Variants in ECE1 observed in about 807,000 individuals in gnomAD.
ECE1 encodes the protein endothelin-converting enzyme 1.
ECE1 carries 35 observed loss-of-function variants against 98.6 expected under a neutral mutation model. The observed-to-expected ratio is 0.35, with a 90% CI of 0.27 to 0.47. The LOEUF is 0.47. ECE1 is among the 20% of genes least tolerant of loss of function. ECE1 has a pLI of 1.00. For missense variants in ECE1, 814 were observed against 1,025.3 expected, an observed-to-expected ratio of 0.79 and a Z score of 2.81; for synonymous variants, 394 against 407.1, an observed-to-expected ratio of 0.97 and a Z score of 0.39.
Position 21,258,589 on chromosome 1 carries a change from TCCCACCCAGGGCAA to T in ECE1, c.762+90_762+103del. 5 of 1,203,822 alleles carry T rather than the reference TCCCACCCAGGGCAA, an allele frequency of 4.2e-6. No homozygotes were observed. The highest frequency in any genetic ancestry group is 4.8e-6 in the Non-Finnish European group (4 of 825,898). The allele number at this position is 1,203,822 out of a possible 1,614,324, so 74.6% of individuals were successfully genotyped here. A position where few individuals can be genotyped will look rare whatever the true frequency, so the allele number is the denominator to read the frequency against. ...AGGCTCAGAAACTAGAAGACCGCCG[TCCCACCCAGGGCAA>T]GCCCCTCTCCCACCCCAGGTCCTGC... On this transcript the variant is annotated intron_variant, in intron 6 of 18. Transcript: ENST00000374893. The surrounding 1 kb of genome is among the most constrained non-coding windows in gnomAD (Gnocchi z 4.2).
chr1:21,333,119 T>C (rs1050645575), intron 1 of ECE1, among the ~76,000 whole-genome samples: 2 of 152,134 alleles, frequency 1.3e-5, no homozygotes, highest in Non-Finnish European at 2.9e-5. Context: ...CAATGGCAGA[T>C]CCAGGGTTCA....
intron 8 of ECE1, among the ~76,000 whole-genome samples, chr1:21,250,438 C>A (rs542495509): frequency 4.3e-4 from 65 of 152,308 alleles, no homozygotes; most frequent in Admixed American, 1.8e-3. Flanking sequence ...ATATGTCTGG[C>A]ATTTAGCAAG....
intron 12 of ECE1, among the ~76,000 whole-genome samples, chr1:21,236,439 C>T (rs28368015): frequency 2.6e-5 from 4 of 152,226 alleles, no homozygotes; most frequent in Non-Finnish European, 5.9e-5. Context: ...CACCTGAGGT[C>T]GGGAGTTTGA....
intron 1 of ECE1, among the ~76,000 whole-genome samples, chr1:21,337,228 C>A (rs569346206): frequency 6.6e-6 from 1 of 152,196 alleles, no homozygotes; most frequent in Non-Finnish European, 1.5e-5. Flanking sequence ...TACATCCACC[C>A]AATGCGGCAC....
At chr1:21,271,097 G>C (rs1569589543) in intron 4 of ECE1, among the ~76,000 whole-genome samples, 1 of 152,312 alleles carries the variant, frequency 6.6e-6, no homozygotes, top group South Asian at 2.1e-4. Context: ...CTCAGACTGG[G>C]GCTTTGCTGC....
intron 2 of ECE1, chr1:21,279,682 A>G (rs2098252137): frequency 1.4e-6 from 2 of 1,398,692 alleles, no homozygotes; most frequent in Non-Finnish European, 9.3e-7. Context: ...GCAGGCATCC[A>G]GTGAGTACCC....
At chr1:21,237,201 C>T (rs2744333) in intron 11 of ECE1, among the ~76,000 whole-genome samples, 7,634 of 152,198 alleles carry the variant, frequency 0.05, 607 homozygotes, top group African/African-American at 0.17. Context: ...GCCTTATTGC[C>T]TTATTGGACC....
chr1:21,308,405 C>T (rs1454814781), intron 1 of ECE1, among the ~76,000 whole-genome samples: 3 of 152,122 alleles, frequency 2.0e-5, no homozygotes, highest in East Asian at 3.9e-4. Context: ...AACGGCAAAG[C>T]ACTCTCTATT....
At chr1:21,326,157 T>C (rs1639075205) in intron 1 of ECE1, among the ~76,000 whole-genome samples, 1 of 151,746 alleles carries the variant, frequency 6.6e-6, no homozygotes, top group African/African-American at 2.4e-5. Context: ...CAGCCAACAA[T>C]AGCTGCTTCC....
intron 1 of ECE1, among the ~76,000 whole-genome samples, chr1:21,314,006 AC>A (rs1638781051): frequency 1.3e-5 from 2 of 152,196 alleles, no homozygotes; most frequent in African/African-American, 4.8e-5. Context: ...CAGCTGCTAA[AC>A]GGTAACACCA....
intron 1 of ECE1, among the ~76,000 whole-genome samples, chr1:21,306,556 G>A (rs928598766): frequency 1.3e-5 from 2 of 152,034 alleles, no homozygotes; most frequent in South Asian, 2.1e-4. Flanking sequence ...AGGCTGTCTC[G>A]AACTCCTGAC....
In ECE1 at chr1:21,290,149, G is replaced by A. The variant is rs375005204; in HGVS notation, c.59C>T (p.Thr20Met). Residue 20 changes from threonine to methionine, a missense_variant, in exon 2 of 19, where the codon ACG becomes ATG. By Grantham distance (81) the Thr-to-Met change is moderately conservative. Around this residue, in one of 3 missense-constraint regions of ECE1, gnomAD observed 257 missense variants for 278.9 expected, o/e 0.92. Coordinates refer to ENST00000374893, the MANE Select transcript of ECE1 (RefSeq NM_001397.3). This position sits in a 1 kb window ranked among gnomAD's most constrained non-coding sequence, Gnocchi z 7.3. ...SALLSALGMS[T>M]YKRATLDEED... ...CTCGTCCAGCGTGGCCCGCTTGTAC[G>A]TCGACATCTGCAAGGCCAAATGCAG... 39 of 1,566,180 alleles carry A rather than the reference G, an allele frequency of 2.5e-5. No individual in the cohort carries two copies. Among genetic ancestry groups the A allele is most frequent in the Middle Eastern group, 1.7e-4 (1 of 5,904 alleles).
rs1231645232 is a variant in ECE1 at position 21,218,754 on chromosome 1, T to G, written c.*1201A>C. ...GGTGCCCACCACCACTCCCGGCTAA[T>G]TTTTGTAATTTTTTTTAGTAGAGAT... is the stretch of plus-strand genomic sequence containing the variant. On this transcript the variant is annotated 3_prime_UTR_variant, in exon 19 of 19. Coordinates refer to ENST00000374893, the MANE Select transcript of ECE1 (RefSeq NM_001397.3). The surrounding 1 kb of genome is among the most constrained non-coding windows in gnomAD (Gnocchi z 4.0). 1 of 152,134 alleles carries G rather than the reference T, an allele frequency of 6.6e-6. No homozygotes were observed. Among genetic ancestry groups the G allele is most frequent in the Non-Finnish European group, 1.5e-5 (1 of 68,060 alleles). 9.4% of individuals were successfully genotyped at this position (152,134 alleles called of 1,614,324 possible).
intron 8 of ECE1, among the ~76,000 whole-genome samples, chr1:21,250,803 G>C (rs1291438825): frequency 6.6e-6 from 1 of 151,922 alleles, no homozygotes; most frequent in Non-Finnish European, 1.5e-5. Flanking sequence ...GTCAGGAAAG[G>C]GAGACCATCC....
At chr1:21,300,813 A>C (rs1234479820) in intron 1 of ECE1, among the ~76,000 whole-genome samples, 4 of 152,126 alleles carry the variant, frequency 2.6e-5, no homozygotes, top group African/African-American at 9.7e-5. Flanking sequence ...CAGACTACAT[A>C]GGTTCAAGTC....
At chr1:21,324,961 A>C (rs953523940) in intron 1 of ECE1, among the ~76,000 whole-genome samples, 8 of 152,250 alleles carry the variant, frequency 5.3e-5, no homozygotes, top group African/African-American at 1.9e-4. Context: ...CGAAAGAAGG[A>C]GAAAAACAGT....
intron 1 of ECE1, among the ~76,000 whole-genome samples, chr1:21,313,070 T>A (rs960831611): frequency 6.6e-6 from 1 of 152,130 alleles, no homozygotes; most frequent in Admixed American, 6.5e-5. Context: ...ACCAGGTCTG[T>A]CTGACTCTAA....
intron 2 of ECE1, among the ~76,000 whole-genome samples, chr1:21,286,104 C>T (rs895134369): frequency 1.3e-5 from 2 of 150,850 alleles, no homozygotes. Flanking sequence ...TTAACAACAA[C>T]AAAAAAAGAT....
At chr1:21,249,734 T>C (rs1404573531) in intron 8 of ECE1, among the ~76,000 whole-genome samples, 1 of 152,120 alleles carries the variant, frequency 6.6e-6, no homozygotes, top group Non-Finnish European at 1.5e-5. Flanking sequence ...ACTGCAGTGC[T>C]ACCATCACCA....
Sources: gnomAD v4.1 joint callset for allele counts (sites outside exome capture counted in the v4.1 genomes callset) on GRCh38, gnomAD v4.1.1 for gene constraint, gnomAD v4.1.1 regional missense constraint, Gnocchi (gnomAD v3.1) non-coding constraint, MANE v1.5 for transcripts, NCBI Gene and HGNC (gene_info 2026-07-23, HGNC 2026-07-21) for gene names.